The following TMEM132D variants were observed in gnomAD, a reference collection of about 807,000 sequenced individuals.
TMEM132D encodes the protein mature OL transmembrane protein.
TMEM132D carries 21 observed loss-of-function variants against 62.3 expected under a neutral mutation model. The observed-to-expected ratio is 0.34, with a 90% CI of 0.24 to 0.49. The LOEUF (loss-of-function observed/expected upper bound fraction) is 0.49. Among genes scored for constraint, TMEM132D ranks in the 20% least tolerant of loss-of-function variants. The pLI is 0.99. For synonymous variants in TMEM132D, 621 were observed against 575.6 expected, an observed-to-expected ratio of 1.08 and a Z score of -1.13; for missense variants, 1,346 against 1,402.8, an observed-to-expected ratio of 0.96 and a Z score of 0.65.
chr12:129,607,112 C>T (rs1397718454), intron 2 of TMEM132D, among the ~76,000 whole-genome samples: 2 of 149,874 alleles, frequency 1.3e-5, no homozygotes, highest in Admixed American at 1.3e-4. Flanking sequence ...TGGGGAGGGT[C>T]GCAAGATTAC....
intron 1 of TMEM132D, among the ~76,000 whole-genome samples, chr12:129,834,994 G>A (rs1301405394): frequency 6.6e-6 from 1 of 152,190 alleles, no homozygotes; most frequent in Admixed American, 6.5e-5. Context: ...CTTACTGAAT[G>A]AAGCAGGTAA....
rs373170688 is a variant in TMEM132D at position 129,596,125 on chromosome 12, C to A, written c.969-64920G>T. 2.2e-3 allele frequency among the ~76,000 whole-genome samples: 329 copies of A among 152,122 alleles called. 10 individuals carry two copies. The South Asian group carries it at 0.066, about 31-fold the overall frequency. Reference sequence around the variant, plus strand: ...TTTCAAACATGATGTACACAGGAGACAAATTGGGTATGGTTTTGTGGGCCA... The same window carrying A: ...TTTCAAACATGATGTACACAGGAGAAAAATTGGGTATGGTTTTGTGGGCCA... On this transcript the variant is annotated intron_variant, in intron 2 of 8. Transcript: ENST00000422113.
chr12:129,482,051 C>T (rs549962159), intron 3 of TMEM132D, among the ~76,000 whole-genome samples: 20 of 152,212 alleles, frequency 1.3e-4, no homozygotes, highest in Non-Finnish European at 2.5e-4. Context: ...TGTGGACAGA[C>T]CATCTGTTGT....
chr12:129,748,114 T>C (rs1240252969), intron 1 of TMEM132D, among the ~76,000 whole-genome samples: 1 of 152,160 alleles, frequency 6.6e-6, no homozygotes, highest in Non-Finnish European at 1.5e-5. Flanking sequence ...GATGACTCTT[T>C]AGACAGTGGT....
chr12:129,248,136 C>T (rs541435578), intron 4 of TMEM132D, among the ~76,000 whole-genome samples: 5 of 152,238 alleles, frequency 3.3e-5, no homozygotes, highest in South Asian at 2.1e-4. Flanking sequence ...AATTTTAACT[C>T]GGAATTTTAA....
rs924305805 is a variant in TMEM132D at position 129,304,544 on chromosome 12, T to G, written c.1299+33090A>C. ...ACAATCCCATATCCTGGTGTCACCA[T>G]GCAAAGTCCAGGTCACAGCCTGAAC... On this transcript the variant is annotated intron_variant, in intron 4 of 8. Transcript: ENST00000422113. Among the ~76,000 whole-genome samples the G allele has an allele frequency of 4.3e-4, 66 of 152,102 alleles. 1 individual carries two copies. Among genetic ancestry groups the G allele is most frequent in the Non-Finnish European group, 1.2e-4 (8 of 68,040 alleles).
intron 2 of TMEM132D, among the ~76,000 whole-genome samples, chr12:129,691,603 CTAAGA>C (rs1443682995): frequency 6.6e-6 from 1 of 151,994 alleles, no homozygotes; most frequent in Non-Finnish European, 1.5e-5. Context: ...TTTTAAATTG[CTAAGA>C]TATTAAATTT....
intron 2 of TMEM132D, among the ~76,000 whole-genome samples, chr12:129,668,238 GT>G (rs1880423345): frequency 6.8e-6 from 1 of 146,374 alleles, no homozygotes; most frequent in African/African-American, 2.5e-5. Flanking sequence ...TACATTATTA[GT>G]GTACCTTATT....
At chr12:129,333,176 A>G (rs781382609) in intron 4 of TMEM132D, among the ~76,000 whole-genome samples, 1 of 152,228 alleles carries the variant, frequency 6.6e-6, no homozygotes, top group Non-Finnish European at 1.5e-5. Flanking sequence ...AAGTTTTGCT[A>G]AATTTTAATA....
chr12:129,477,061 C>A (rs1874284697), intron 3 of TMEM132D, among the ~76,000 whole-genome samples: 1 of 152,136 alleles, frequency 6.6e-6, no homozygotes, highest in African/African-American at 2.4e-5. Context: ...CAGGACGGTG[C>A]TTTTCTATGC....
At chr12:129,467,366 G>A (rs986094614) in intron 3 of TMEM132D, among the ~76,000 whole-genome samples, 2 of 152,142 alleles carry the variant, frequency 1.3e-5, no homozygotes, top group African/African-American at 2.4e-5. Flanking sequence ...GGGGGCTTAA[G>A]AGAAACCAGT....
At chr12:129,599,767 T>C (rs532016188) in intron 2 of TMEM132D, among the ~76,000 whole-genome samples, 50 of 152,342 alleles carry the variant, frequency 3.3e-4, no homozygotes, top group African/African-American at 1.0e-3. Flanking sequence ...CACAATGCTG[T>C]TGTCTAGCAA....
intron 1 of TMEM132D, among the ~76,000 whole-genome samples, chr12:129,778,290 A>G (rs1013103028): frequency 6.6e-6 from 1 of 152,088 alleles, no homozygotes; most frequent in Non-Finnish European, 1.5e-5. Flanking sequence ...TTACTGTGCC[A>G]GCCCGACTCT....
At chr12:129,602,349 C>T (rs535196172) in intron 2 of TMEM132D, among the ~76,000 whole-genome samples, 6 of 151,962 alleles carry the variant, frequency 3.9e-5, no homozygotes, top group African/African-American at 7.3e-5. Context: ...TATAGCTATC[C>T]GTGAGCTCAC....
chr12:129,470,220 C>CGCATT (rs1874054093), intron 3 of TMEM132D, among the ~76,000 whole-genome samples: 1 of 152,124 alleles, frequency 6.6e-6, no homozygotes, highest in East Asian at 1.9e-4. Context: ...ATAAGATGAG[C>CGCATT]GCATTTGGAT....
In TMEM132D at chr12:129,636,737, T is replaced by TGTGTGTGTGTGAGA. The variant is rs375868329; in HGVS notation, c.968+63072_968+63073insTCTCACACACACAC. Among the ~76,000 whole-genome samples the TGTGTGTGTGTGAGA allele has an allele frequency of 2.5e-3, 288 of 113,606 alleles. 2 individuals are homozygous for TGTGTGTGTGTGAGA. The highest frequency in any genetic ancestry group is 0.011 in the East Asian group (39 of 3,392). The allele number at this position is 113,606 out of a possible 152,430, so 74.5% of individuals were successfully genotyped here. On this transcript the variant is annotated intron_variant, in intron 2 of 8. Coordinates refer to ENST00000422113, the MANE Select transcript of TMEM132D (RefSeq NM_133448.3). ...GTGTGTGTGTGTGTGTGTGTGTGTG[T>TGTGTGTGTGTGAGA]GAGAGAGAGAGAGAGAGAGACAGAG... is the stretch of plus-strand genomic sequence containing the variant.
intron 2 of TMEM132D, among the ~76,000 whole-genome samples, chr12:129,604,657 T>C (rs1372527529): frequency 6.6e-6 from 1 of 152,214 alleles, no homozygotes; most frequent in Non-Finnish European, 1.5e-5. Context: ...TTCAAATCAC[T>C]GTAATGCACC....
chr12:129,274,860 C>T (rs892464257), intron 4 of TMEM132D, among the ~76,000 whole-genome samples: 5 of 152,208 alleles, frequency 3.3e-5, no homozygotes, highest in Non-Finnish European at 5.9e-5. Flanking sequence ...GCACTCCAGC[C>T]TGGGCGACAG....
chr12:129,603,007 A>C (rs578219679), intron 2 of TMEM132D, among the ~76,000 whole-genome samples: 3 of 152,264 alleles, frequency 2.0e-5, no homozygotes, highest in African/African-American at 7.2e-5. Flanking sequence ...AACCGCCCCC[A>C]TGATTCAATT....
Sources: allele counts gnomAD v4.1 joint callset (sites outside exome capture counted in the v4.1 genomes callset), GRCh38; gene constraint gnomAD v4.1.1; transcripts MANE v1.5; gene names NCBI Gene and HGNC (gene_info 2026-07-23, HGNC 2026-07-21).